The following ABCA13 variants were observed in gnomAD, a reference collection of about 807,000 sequenced individuals.
ABCA13 encodes ATP-binding cassette sub-family A member 13.
Under a neutral mutation model 478.7 loss-of-function variants are expected in ABCA13, and 476 were observed. That is an observed-to-expected ratio of 0.99 (90% CI 0.92 to 1.07). The LOEUF (loss-of-function observed/expected upper bound fraction) is 1.07, where lower values mean the gene tolerates loss of function less well. ABCA13 is among the 50% of genes least tolerant of loss of function. The pLI is 0.00. For missense variants in ABCA13, 6,060 were observed against 5,910.6 expected, an observed-to-expected ratio of 1.03 and a Z score of -0.83; for synonymous variants, 2,252 against 2,158.9, an observed-to-expected ratio of 1.04 and a Z score of -1.20.
In ABCA13 at chr7:48,274,105, A is replaced by C; in HGVS notation, c.4439A>C (p.Lys1480Thr). 1 of 1,606,926 alleles carries C rather than the reference A, an allele frequency of 6.2e-7. No individual in the cohort carries two copies. Among genetic ancestry groups the C allele is most frequent in the Non-Finnish European group, 8.5e-7 (1 of 1,176,568 alleles). The part of the protein sequence containing the change: ...LNIVLTTVFE[K>T]EKKPKFEILL... ...ATTGTACTTACTACAGTCTTTGAAA[A>C]AGAGAAGAAACCTAAATTTGAGATT... is the stretch of plus-strand genomic sequence containing the variant. The change falls in exon 17 of 62, where the codon AAA (lysine) becomes ACA (threonine). Residue 1480 changes from lysine to threonine, a missense_variant. This residue lies in a region of ABCA13 where 4,423 missense variants were observed against 4,309.1 expected (regional missense o/e 1.03). Transcript: ENST00000435803.
chr7:48,255,294 C>T (rs1206067073), intron 15 of ABCA13, among the ~76,000 whole-genome samples: 1 of 152,136 alleles, frequency 6.6e-6, no homozygotes, highest in Non-Finnish European at 1.5e-5. Flanking sequence ...CTTGGCTTTG[C>T]AACAGATTAG....
rs375524380 is a variant in ABCA13, at chr7:48,511,173, C to T, written c.13614C>T (p.Ala4538=). Reference sequence around the variant, plus strand: ...TTACTTTCCGCAAGAACTTGGCAGCCACGGCCCTCCTGCTGTCACTTTTCG... The same window carrying T: ...TTACTTTCCGCAAGAACTTGGCAGCTACGGCCCTCCTGCTGTCACTTTTCG... The part of the protein sequence containing the change: ...TAFTFRKNLA[A]TALLLSLFGY... Residue 4538 remains alanine, a synonymous_variant, in exon 51 of 62, where the codon GCC becomes GCT. Transcript: ENST00000435803. The T allele has an allele frequency of 1.5e-5, 25 of 1,613,024 alleles. No individual in the cohort carries two copies. Among genetic ancestry groups the T allele is most frequent in the Non-Finnish European group, 2.0e-5 (24 of 1,179,496 alleles).
chr7:48,626,270 C>T (rs1391289697), intron 59 of ABCA13, among the ~76,000 whole-genome samples: 3 of 152,162 alleles, frequency 2.0e-5, no homozygotes, highest in Non-Finnish European at 2.9e-5. Flanking sequence ...AGAATGCACA[C>T]ACATTGTTTT....
intron 48 of ABCA13, among the ~76,000 whole-genome samples, chr7:48,502,831 A>G (rs917529637): frequency 6.6e-6 from 1 of 152,210 alleles, no homozygotes; most frequent in Non-Finnish European, 1.5e-5. Flanking sequence ...GCACATGGCT[A>G]CAGGCTAATT....
intron 15 of ABCA13, among the ~76,000 whole-genome samples, chr7:48,253,850 A>G (rs1792954767): frequency 1.3e-5 from 2 of 152,120 alleles, no homozygotes; most frequent in Admixed American, 6.6e-5. Context: ...TTGTCTTTGA[A>G]CAATTCCATA....
At chr7:48,384,196 AC>A (rs1814817521) in intron 35 of ABCA13, among the ~76,000 whole-genome samples, 3 of 152,360 alleles carry the variant, frequency 2.0e-5, no homozygotes, top group Admixed American at 1.3e-4. Context: ...TGAGCCGAAG[AC>A]CTGCAGCTTT....
intron 23 of ABCA13, among the ~76,000 whole-genome samples, chr7:48,301,822 TG>T (rs2128857111): frequency 6.6e-6 from 1 of 152,036 alleles, no homozygotes; most frequent in South Asian, 2.1e-4. Context: ...CTCTTTGATT[TG>T]TTTGATTTGT....
At chr7:48,474,347 A>G (rs1321619977) in intron 45 of ABCA13, among the ~76,000 whole-genome samples, 1 of 152,148 alleles carries the variant, frequency 6.6e-6, no homozygotes, top group Non-Finnish European at 1.5e-5. Flanking sequence ...ATTGTTATAG[A>G]GAAAGAATGG....
Position 48,275,050 on chromosome 7 carries a change from T to C in ABCA13, c.5384T>C (p.Ile1795Thr). The C allele has an allele frequency of 1.9e-6, 3 of 1,613,662 alleles. No individual in the cohort carries two copies. The highest frequency in any genetic ancestry group is 2.5e-6 in the Non-Finnish European group (3 of 1,179,710). Reference sequence around the variant, plus strand: ...ACCAAGGAAGACTTCGCAATTGTGATAAAAATTCTTTTGGATACAATTGAA... The same window carrying C: ...ACCAAGGAAGACTTCGCAATTGTGACAAAAATTCTTTTGGATACAATTGAA... ...NITKEDFAIV[I>T]KILLDTIELV... Residue 1795 changes from isoleucine to threonine, a missense_variant, in exon 17 of 62, where the codon ATA becomes ACA. By Grantham distance (89) the Ile-to-Thr change is moderately conservative. This residue lies in a region of ABCA13 where 4,423 missense variants were observed against 4,309.1 expected (regional missense o/e 1.03). Transcript: ENST00000435803.
rs1315189612 is a variant in ABCA13 at position 48,178,243 on chromosome 7, A to G, written c.69+6691A>G. 1.3e-4 allele frequency among the ~76,000 whole-genome samples: 20 copies of G among 152,210 alleles called. 1 individual carries two copies. The highest frequency in any genetic ancestry group is 1.3e-3 in the Admixed American group (20 of 15,280). On this transcript the variant is annotated intron_variant, in intron 1 of 61. Transcript: ENST00000435803. The stretch of plus-strand genomic sequence containing the variant: ...CAACCAAATATATATTAAAAAAACA[A>G]TTTTGAAGGGCAGTGAGGGAAATGC...
chr7:48,372,105 C>T (rs913705937), intron 32 of ABCA13, 63 bp from the exon 33 acceptor site: 3 of 1,448,540 alleles, frequency 2.1e-6, no homozygotes. Flanking sequence ...CTCCTACCAT[C>T]TGATTTGTTC....
Position 48,455,224 on chromosome 7 carries a change from C to G in ABCA13, c.12753C>G (p.Thr4251=), listed in dbSNP as rs1018080300. 3 of 1,602,508 alleles carry G rather than the reference C, an allele frequency of 1.9e-6. No individual in the cohort carries two copies. The highest frequency in any genetic ancestry group is 2.3e-5 in the South Asian group (2 of 88,852). ...TGTTCATGGTGAGACCCCTGGCCAC[C>G]GAGTACCCTCCCCTCAGACTCACAC... ...MGLFMVRPLA[T]EYPPLRLTPG... Residue 4251 remains threonine, a synonymous_variant, in exon 43 of 62, where the codon ACC becomes ACG. Transcript: ENST00000435803.
At chr7:48,218,999 C>T (rs1786914116) in intron 3 of ABCA13, among the ~76,000 whole-genome samples, 1 of 152,188 alleles carries the variant, frequency 6.6e-6, no homozygotes, top group South Asian at 2.1e-4. Flanking sequence ...ATGCACAGAT[C>T]ATATCATGTC....
chr7:48,374,281 T>TG lies in ABCA13; in HGVS notation c.11134-65dup, dbSNP rs1813107973. On this transcript the variant is annotated intron_variant, in intron 33 of 61. Coordinates refer to ENST00000435803, the MANE Select transcript of ABCA13 (RefSeq NM_152701.5). The stretch of plus-strand genomic sequence containing the variant: ...TGGCTTCGCTCCTTGAATTAAGTGT[T>TG]GTGGATTTTCTGTGGTCCCAATCAA... The TG allele has an allele frequency of 1.2e-5, 17 of 1,444,032 alleles. No homozygotes were observed. In the South Asian group the frequency reaches 2.2e-4, roughly 19 times the overall value. The allele number at this position is 1,444,032 out of a possible 1,614,324, so 89.5% of individuals were successfully genotyped here.
chr7:48,520,014 A>T (rs1832427204), intron 52 of ABCA13, 27 bp from the exon 53 acceptor site: 1 of 1,572,528 alleles, frequency 6.4e-7, no homozygotes, highest in South Asian at 1.2e-5. Flanking sequence ...TTTTAATTGG[A>T]TTTTTTTTCT....
At chr7:48,214,411 C>G (rs779741285) in intron 3 of ABCA13, among the ~76,000 whole-genome samples, 1 of 152,134 alleles carries the variant, frequency 6.6e-6, no homozygotes, top group African/African-American at 2.4e-5. Flanking sequence ...GCTGTGTTAG[C>G]CCCTAACAAG....
intron 1 of ABCA13, among the ~76,000 whole-genome samples, chr7:48,181,163 A>G (rs1179034624): frequency 1.3e-5 from 2 of 152,142 alleles, no homozygotes; most frequent in Non-Finnish European, 2.9e-5. Flanking sequence ...TGTGCTTGCA[A>G]ACTGACTACA....
At chr7:48,543,130 G>A (rs1298888818) in intron 55 of ABCA13, among the ~76,000 whole-genome samples, 1 of 151,468 alleles carries the variant, frequency 6.6e-6, no homozygotes, top group Non-Finnish European at 1.5e-5. Context: ...ATTCAATAAG[G>A]ACATTTCTTT....
At chr7:48,497,450 T>TC (rs1291352346) in intron 48 of ABCA13, among the ~76,000 whole-genome samples, 5 of 152,212 alleles carry the variant, frequency 3.3e-5, no homozygotes, top group Non-Finnish European at 5.9e-5. Flanking sequence ...CAACTGGTAA[T>TC]ATTCTGGCTC....
Sources: gnomAD v4.1 joint callset for allele counts (sites outside exome capture counted in the v4.1 genomes callset) on GRCh38, gnomAD v4.1.1 for gene constraint, gnomAD v4.1.1 regional missense constraint, MANE v1.5 for transcripts, NCBI Gene and HGNC (gene_info 2026-07-23, HGNC 2026-07-21) for gene names.